The following TOPBP1 variants were observed in gnomAD, a reference collection of about 807,000 sequenced individuals.
TOPBP1 encodes DNA topoisomerase 2-binding protein 1.
In TOPBP1, 28 loss-of-function variants were observed where a neutral mutation model predicts 167.7. The ratio of observed to expected loss-of-function variants is 0.17; its 90% CI spans 0.12 to 0.23. The LOEUF (loss-of-function observed/expected upper bound fraction) is 0.23, where lower values mean the gene tolerates loss of function less well. Among genes scored for constraint, TOPBP1 ranks in the 10% least tolerant of loss-of-function variants. TOPBP1 has a pLI of 1.00. For synonymous variants in TOPBP1, 598 were observed against 611.4 expected (o/e 0.98, Z 0.32); for missense variants, 1,554 against 1,809.6 (o/e 0.86, Z 2.56).
intron 10 of TOPBP1, among the ~76,000 whole-genome samples, chr3:133,645,771 G>A (rs1000888322): frequency 5.3e-5 from 8 of 152,124 alleles, no homozygotes; most frequent in Non-Finnish European, 8.8e-5. Flanking sequence ...AGTTCTTTCC[G>A]TTTATTTTAG....
At chr3:133,639,311 G>A (rs369272268) in intron 13 of TOPBP1, among the ~76,000 whole-genome samples, 71 of 152,138 alleles carry the variant, frequency 4.7e-4, no homozygotes, top group African/African-American at 1.5e-3. Flanking sequence ...GTCCTTTGTC[G>A]GGACATGGAT....
rs368202260 is a variant in TOPBP1, at chr3:133,612,711, CAT to C, written c.3872-161_3872-160del. Reference sequence around the variant, plus strand: ...ACTTAGAATTATTTTACTTTATATACATATATATATGTATTAAAATGTTTATT... The same window carrying C: ...ACTTAGAATTATTTTACTTTATATACATATATATGTATTAAAATGTTTATT... On this transcript the variant is annotated intron_variant, in intron 23 of 27. Transcript: ENST00000260810. 5.4e-3 allele frequency among the ~76,000 whole-genome samples: 814 copies of C among 151,992 alleles called. 9 individuals carry two copies. The highest frequency in any genetic ancestry group is 0.018 in the African/African-American group (734 of 41,420).
At chr3:133,651,720 A>G (rs1316797621) in intron 8 of TOPBP1, among the ~76,000 whole-genome samples, 1 of 152,226 alleles carries the variant, frequency 6.6e-6, no homozygotes, top group Non-Finnish European at 1.5e-5. Context: ...TCTAATGGTG[A>G]GGAATACAGA....
At chr3:133,614,475 G>A (rs1351697984) in intron 23 of TOPBP1, among the ~76,000 whole-genome samples, 6 of 152,050 alleles carry the variant, frequency 3.9e-5, no homozygotes, top group Non-Finnish European at 7.4e-5. Flanking sequence ...TTTATAAAAT[G>A]AAGGATTGGG....
chr3:133,616,191 C>G (rs376619274), intron 23 of TOPBP1, among the ~76,000 whole-genome samples: 1 of 150,758 alleles, frequency 6.6e-6, no homozygotes, highest in African/African-American at 2.4e-5. Flanking sequence ...GCTATCTTGG[C>G]TCATTGCAAC....
intron 10 of TOPBP1, among the ~76,000 whole-genome samples, chr3:133,646,736 G>A (rs935178730): frequency 6.6e-6 from 1 of 151,714 alleles, no homozygotes; most frequent in Non-Finnish European, 1.5e-5. Flanking sequence ...CAATACTAAA[G>A]CATAAGTAAA....
At chr3:133,653,311 T>A in intron 7 of TOPBP1, 34 bp downstream of exon 7, 1 of 1,520,140 alleles carries the variant, frequency 6.6e-7, no homozygotes, top group Non-Finnish European at 8.8e-7. Flanking sequence ...ATGACTGTCT[T>A]CAGAATAATT....
In TOPBP1 at chr3:133,617,220, T is replaced by C. The variant is rs964090878; in HGVS notation, c.3699A>G (p.Gln1233=). The C allele has an allele frequency of 3.1e-6, 5 of 1,613,730 alleles. No homozygotes were observed. The highest frequency in any genetic ancestry group is 1.7e-5 in the Admixed American group (1 of 59,968). ...CGAGTGGAAAGGCAATACTGGGGGC[T>C]TGAGGCGTAGGGATCAGGTGGCTGT... ...IKDSHLIPTP[Q]APSIAFPLAN... The change falls in exon 22 of 28, where the codon CAA becomes CAG. Residue 1233 remains glutamine (Q), a synonymous_variant. Transcript: ENST00000260810.
intron 23 of TOPBP1, among the ~76,000 whole-genome samples, chr3:133,615,264 G>T (rs1241432574): frequency 6.6e-6 from 1 of 152,154 alleles, no homozygotes; most frequent in Non-Finnish European, 1.5e-5. Context: ...GAGGTCAGCA[G>T]TTCGAGACCA....
At chr3:133,636,707 T>C (rs1198242822) in intron 14 of TOPBP1, among the ~76,000 whole-genome samples, 1 of 152,174 alleles carries the variant, frequency 6.6e-6, no homozygotes, top group East Asian at 1.9e-4. Context: ...AGAGAGTCTG[T>C]GAGCTATGAC....
At chr3:133,631,317 T>C (rs1214663421) in intron 14 of TOPBP1, among the ~76,000 whole-genome samples, 1 of 152,352 alleles carries the variant, frequency 6.6e-6, no homozygotes, top group East Asian at 1.9e-4. Flanking sequence ...CATAATAAAT[T>C]CCCCTATTTG....
intron 10 of TOPBP1, among the ~76,000 whole-genome samples, chr3:133,645,905 T>C (rs929658098): frequency 3.9e-5 from 6 of 151,914 alleles, no homozygotes; most frequent in African/African-American, 1.2e-4. Flanking sequence ...TCCCAGCACT[T>C]TGGGAGGCTG....
chr3:133,623,325 T>C lies in TOPBP1; in HGVS notation c.3061A>G (p.Thr1021Ala). The C allele has an allele frequency of 1.9e-6, 3 of 1,613,722 alleles. No homozygotes were observed. Among genetic ancestry groups the C allele is most frequent in the Non-Finnish European group, 1.7e-6 (2 of 1,179,784 alleles). ...ATATCTCCTACCTCATCATCCTTTG[T>C]TGAAGACACAGCTGAGAGTAGTCGA... ...NSRLLSAVSS[T>A]KDDEPDPLIL... Residue 1021 changes from threonine (T) to alanine (A), a missense_variant, in exon 18 of 28, where the codon ACA (threonine) becomes GCA (alanine). Physicochemically the swap from Thr to Ala is moderately conservative, Grantham distance 58. Transcript: ENST00000260810.
intron 5 of TOPBP1, among the ~76,000 whole-genome samples, chr3:133,656,396 G>A (rs1936480165): frequency 6.6e-6 from 1 of 152,062 alleles, no homozygotes; most frequent in South Asian, 2.1e-4. Context: ...TGCCAAACTC[G>A]TTTTCTCAAT....
chr3:133,616,696 T>A, intron 23 of TOPBP1, 118 bp downstream of exon 23: 1 of 558,142 alleles, frequency 1.8e-6, no homozygotes. Flanking sequence ...TTAGACAAGT[T>A]ACCCATGTTC....
chr3:133,631,182 C>G (rs1421793474), intron 14 of TOPBP1, among the ~76,000 whole-genome samples: 1 of 152,164 alleles, frequency 6.6e-6, no homozygotes, highest in Non-Finnish European at 1.5e-5. Flanking sequence ...AAGTGAGATC[C>G]TATTTCAAGA....
chr3:133,650,888 T>A (rs1012588882), intron 8 of TOPBP1, among the ~76,000 whole-genome samples: 5 of 152,086 alleles, frequency 3.3e-5, no homozygotes, highest in Non-Finnish European at 7.4e-5. Context: ...GTGGGCAGAC[T>A]GCTTGAGGTC....
intron 20 of TOPBP1, among the ~76,000 whole-genome samples, chr3:133,619,135 AAAAAC>A (rs202080007): frequency 1.2e-4 from 18 of 149,536 alleles, no homozygotes; most frequent in African/African-American, 2.2e-4. Context: ...ACAAAAAACA[AAAAAC>A]AAAACAAAAC....
rs995442367 is a variant in TOPBP1 at position 133,628,356 on chromosome 3, A to G, written c.2804+6T>C. Reference sequence around the variant, plus strand: ...TCACCATGAAACAGAAAGATGTGCCAACTACCTGTAATCTGCTCCTAGAGA... The same window carrying G: ...TCACCATGAAACAGAAAGATGTGCCGACTACCTGTAATCTGCTCCTAGAGA... On this transcript the variant is annotated splice_donor_region_variant and intron_variant, in intron 16 of 27. Coordinates refer to ENST00000260810, the MANE Select transcript of TOPBP1 (RefSeq NM_007027.4). 2 of 1,588,040 alleles carry G rather than the reference A, an allele frequency of 1.3e-6. No homozygotes were observed. The highest frequency in any genetic ancestry group is 3.6e-5 in the Admixed American group (2 of 55,704).
Sources: allele counts gnomAD v4.1 joint callset (sites outside exome capture counted in the v4.1 genomes callset), GRCh38; gene constraint gnomAD v4.1.1; transcripts MANE v1.5; gene names NCBI Gene and HGNC (gene_info 2026-07-23, HGNC 2026-07-21).